WNK3: variants seen among roughly 807,000 people sequenced by gnomAD.
The protein encoded by WNK3 is WNK lysine deficient protein kinase 3.
WNK3 carries 18 observed loss-of-function variants against 116.7 expected under a neutral mutation model. The ratio of observed to expected loss-of-function variants is 0.15; its 90% CI spans 0.11 to 0.23. The LOEUF (loss-of-function observed/expected upper bound fraction) is 0.23. WNK3 is among the 10% of genes least tolerant of loss of function. The probability of loss-of-function intolerance (pLI) is 1.00; values close to 1 mark genes in which losing one functional copy is unlikely to be tolerated. For synonymous variants in WNK3, 404 were observed against 469.4 expected, an observed-to-expected ratio of 0.86 and a Z score of 1.80; for missense variants, 993 against 1,323.8, an observed-to-expected ratio of 0.75 and a Z score of 3.88.
At chrX:54,258,004 G>A (rs1557155922) in intron 11 of WNK3, among the ~76,000 whole-genome samples, 4 of 108,968 alleles carry the variant, frequency 3.7e-5, no homozygotes, top group Non-Finnish European at 7.6e-5. Flanking sequence ...GAGGCTGGGC[G>A]CTGTGGTGCA....
At chrX:54,249,809 C>T (rs1557153729) in intron 16 of WNK3, among the ~76,000 whole-genome samples, 175 bp from the exon 17 acceptor site, 1 of 111,642 alleles carries the variant, frequency 9.0e-6, no homozygotes, top group Non-Finnish European at 1.9e-5. Context: ...ATAATGTTTT[C>T]CTTTTTTCTC....
At position 54,238,586 on chromosome X, in the gene WNK3, A is replaced by T. The variant is rs2067989227; in HGVS notation, c.3884-114T>A. On this transcript the variant is annotated intron_variant, in intron 18 of 23. Coordinates refer to ENST00000354646, the Ensembl canonical transcript of WNK3. The stretch of plus-strand genomic sequence containing the variant: ...GAAAAAGCTTAACTCCTGCTAGACA[A>T]TTAAAAGGTGTTAATGTAATAAGCA... 3 of 749,084 alleles carry T rather than the reference A, an allele frequency of 4.0e-6. No individual in the cohort carries two copies. The East Asian group carries it at 1.0e-4, about 26-fold the overall frequency. The allele number at this position is 749,084 out of a possible 1,213,427, so 61.7% of individuals were successfully genotyped here. A position where few individuals can be genotyped will look rare whatever the true frequency, so the allele number is the denominator to read the frequency against.
chrX:54,265,782 G>A (rs1386319510), intron 10 of WNK3, among the ~76,000 whole-genome samples: 3 of 112,961 alleles, frequency 2.7e-5, no homozygotes, highest in African/African-American at 9.6e-5. Flanking sequence ...AGTGGCTCAC[G>A]CCAGTAATCC....
intron 8 of WNK3, among the ~76,000 whole-genome samples, chrX:54,293,636 A>G (rs2068665214): frequency 8.9e-6 from 1 of 112,062 alleles, no homozygotes; most frequent in Non-Finnish European, 1.9e-5. Context: ...TCTACACTTG[A>G]CATAAGGATT....
exon 24 of WNK3, chrX:54,194,318 C>T: frequency 8.9e-6 from 1 of 111,903 alleles, no homozygotes; most frequent in Non-Finnish European, 1.9e-5. Context: ...AACAAAATAC[C>T]ACTGCAAATA....
At chrX:54,307,682 C>T (rs1442869215) in intron 5 of WNK3, among the ~76,000 whole-genome samples, 3 of 111,146 alleles carry the variant, frequency 2.7e-5, no homozygotes, top group African/African-American at 9.8e-5. Context: ...TCCTTACAAA[C>T]AAATATATAT....
intron 17 of WNK3, among the ~76,000 whole-genome samples, chrX:54,245,116 T>C (rs2068061232): frequency 9.2e-6 from 1 of 108,851 alleles, no homozygotes; most frequent in Non-Finnish European, 1.9e-5. Flanking sequence ...TTTTCAGAAC[T>C]TTTTTGTGCA....
At chrX:54,211,454 A>C (rs782543465) in intron 22 of WNK3, among the ~76,000 whole-genome samples, 2 of 107,927 alleles carry the variant, frequency 1.9e-5, no homozygotes, top group East Asian at 5.8e-4. Flanking sequence ...AAAAAAAAAA[A>C]AAAACTCCAC....
At chrX:54,254,022 G>T in exon 13 of WNK3, 1 of 1,209,350 alleles carries the variant, frequency 8.3e-7, no homozygotes, top group South Asian at 1.8e-5. Flanking sequence ...TGACCATCTT[G>T]TTGTTGTGTG....
intron 22 of WNK3, among the ~76,000 whole-genome samples, chrX:54,220,226 G>A (rs1286687570): frequency 9.0e-6 from 1 of 111,594 alleles, no homozygotes; most frequent in African/African-American, 3.3e-5. Context: ...TTGATGACTG[G>A]AATACAAAGA....
chrX:54,252,908 A>G (rs1432800706), intron 13 of WNK3, among the ~76,000 whole-genome samples: 1 of 110,341 alleles, frequency 9.1e-6, no homozygotes, highest in Non-Finnish European at 1.9e-5. Flanking sequence ...ATCCCCATCA[A>G]AAAAGGGGAA....
intron 7 of WNK3, among the ~76,000 whole-genome samples, chrX:54,296,314 G>T (rs922288435): frequency 3.6e-5 from 4 of 110,612 alleles, no homozygotes; most frequent in African/African-American, 9.9e-5. Context: ...CATTGTGTTT[G>T]CTATAATATA....
At chrX:54,301,684 A>T (rs2068760075) in intron 6 of WNK3, 87 bp downstream of exon 6, 16 of 787,300 alleles carry the variant, frequency 2.0e-5, no homozygotes, top group Non-Finnish European at 3.0e-5. Context: ...CAAACTCAGC[A>T]TGACTGAAAG....
intron 22 of WNK3, among the ~76,000 whole-genome samples, chrX:54,211,761 T>C (rs1557143828): frequency 2.7e-5 from 3 of 109,748 alleles, no homozygotes; most frequent in Admixed American, 9.8e-5. Flanking sequence ...TGAGCCAAGA[T>C]TGCGCCCCTG....
At chrX:54,231,752 G>C (rs1258596998) in intron 21 of WNK3, among the ~76,000 whole-genome samples, 1 of 111,174 alleles carries the variant, frequency 9.0e-6, no homozygotes, top group Admixed American at 9.7e-5. Context: ...ATCCTACCAT[G>C]GTCACAAGTT....
At chrX:54,229,873 C>T (rs2067881712) in intron 21 of WNK3, among the ~76,000 whole-genome samples, 1 of 111,350 alleles carries the variant, frequency 9.0e-6, no homozygotes, top group Admixed American at 9.6e-5. Context: ...AAAAGTAATT[C>T]CAAATGTGTC....
In WNK3 at chrX:54,237,299, T is replaced by G. The variant is rs1057524673; in HGVS notation, c.4267A>C (p.Ser1423Arg). The stretch of plus-strand genomic sequence containing the variant: ...GATACATCAGTCTCACAAGCTGCGC[T>G]GAAAGATAAGAAGTTGTCACCTTGT... Residue 1423 changes from serine (S) to arginine (R), a missense_variant, in exon 20 of 24, where the codon AGC becomes CGC. Physicochemically the swap from Ser to Arg is moderately radical, Grantham distance 110. Coordinates refer to ENST00000354646, the Ensembl canonical transcript of WNK3. The G allele has an allele frequency of 1.1e-5, 13 of 1,211,005 alleles. No individual in the cohort carries two copies. Among genetic ancestry groups the G allele is most frequent in the African/African-American group, 1.7e-5 (1 of 57,501 alleles).
chrX:54,331,791 T>A (rs1381710436), intron 2 of WNK3, among the ~76,000 whole-genome samples: 6 of 111,785 alleles, frequency 5.4e-5, no homozygotes, highest in African/African-American at 1.9e-4. Flanking sequence ...TACTGACTCT[T>A]ATAAACAGTA....
In WNK3 at chrX:54,341,395, T is replaced by C. The variant is rs190226280; in HGVS notation, c.-119-7603A>G. Among the ~76,000 whole-genome samples the C allele has an allele frequency of 2.7e-3, 280 of 104,987 alleles. 1 individual carries two copies. Among genetic ancestry groups the C allele is most frequent in the African/African-American group, 9.6e-3 (273 of 28,569 alleles). 91.2% of individuals were successfully genotyped at this position (104,987 alleles called of 115,157 possible). On this transcript the variant is annotated intron_variant, in intron 1 of 23. Transcript: ENST00000354646. ...CTGGGCGAAAGAGTGAAGCTCCATC[T>C]CAAAAAAAAAAAAGAATATTACTGG...
Sources: gnomAD v4.1 joint callset for allele counts (sites outside exome capture counted in the v4.1 genomes callset) on GRCh38, gnomAD v4.1.1 for gene constraint, MANE v1.5 for transcripts, NCBI Gene and HGNC (gene_info 2026-07-23, HGNC 2026-07-21) for gene names.